Variants in PUDP observed in about 807,000 individuals in gnomAD.
PUDP encodes pseudouridine-5'-phosphatase.
A neutral mutation model predicts 9.4 loss-of-function variants in PUDP; 8 were observed. The observed-to-expected ratio is 0.85, with a 90% CI of 0.50 to 1.53. The LOEUF (loss-of-function observed/expected upper bound fraction) is 1.53, where lower values mean the gene tolerates loss of function less well. PUDP is among the 40% of genes most tolerant of loss of function. The probability of loss-of-function intolerance (pLI) is 0.00; values close to 1 mark genes in which losing one functional copy is unlikely to be tolerated. For synonymous variants in PUDP, 99 were observed against 80.7 expected (o/e 1.23, Z -1.22); for missense variants, 188 against 189.7 (o/e 0.99, Z 0.05).
chrX:6,819,679 C>A (rs966571596), intron 3 of PUDP, among the ~76,000 whole-genome samples: 2 of 112,064 alleles, frequency 1.8e-5, no homozygotes, highest in Admixed American at 9.5e-5. Context: ...CATTCATAAT[C>A]GTAGGGATCT....
chrX:6,975,183 T>C (rs1487224912), intron 3 of PUDP, among the ~76,000 whole-genome samples: 2 of 110,238 alleles, frequency 1.8e-5, no homozygotes, highest in Non-Finnish European at 3.8e-5. Flanking sequence ...GAGGAGTTTG[T>C]TATTACCCAC....
intron 1 of PUDP, among the ~76,000 whole-genome samples, chrX:7,018,191 T>C (rs1487268119): frequency 4.5e-5 from 5 of 111,747 alleles, no homozygotes; most frequent in Admixed American, 9.4e-5. Flanking sequence ...AGCCATTCTT[T>C]TATTCCTTTA....
intron 1 of PUDP, among the ~76,000 whole-genome samples, chrX:7,013,196 CT>C (rs1209754101): frequency 8.9e-6 from 1 of 111,969 alleles, no homozygotes; most frequent in Non-Finnish European, 1.9e-5. Context: ...ACAAAAGCTT[CT>C]TTTTTTCGGT....
intron 3 of PUDP, among the ~76,000 whole-genome samples, chrX:7,062,083 TA>T (rs1244667873): frequency 8.9e-6 from 1 of 112,377 alleles, no homozygotes; most frequent in African/African-American, 3.2e-5. Context: ...AATGCATATT[TA>T]TATTAGAAGC....
At chrX:7,044,269 A>G (rs1468482067), downstream of PUDP, among the ~76,000 whole-genome samples, 1 of 112,075 alleles carries the variant, frequency 8.9e-6, no homozygotes, top group Non-Finnish European at 1.9e-5. Flanking sequence ...TTATTTAAGG[A>G]AAATACTCTT....
intron 1 of PUDP, among the ~76,000 whole-genome samples, chrX:7,003,526 C>T (rs1346439292): frequency 8.9e-6 from 1 of 112,070 alleles, no homozygotes; most frequent in African/African-American, 3.3e-5. Flanking sequence ...CCTATTTGAT[C>T]AAAAAATCCT....
intron 1 of PUDP, among the ~76,000 whole-genome samples, chrX:7,014,730 A>G (rs997824500): frequency 3.6e-5 from 4 of 112,004 alleles, no homozygotes; most frequent in African/African-American, 9.8e-5. Flanking sequence ...AGTGTGGAAG[A>G]CAGCCAAAAA....
chrX:6,730,819 C>T (rs1313678482), intron 3 of PUDP, among the ~76,000 whole-genome samples: 1 of 111,828 alleles, frequency 8.9e-6, no homozygotes, highest in Admixed American at 9.5e-5. Context: ...AGTGAGGCAC[C>T]AAGTGACAGA....
At chrX:7,027,262 A>T (rs1929724099) in intron 1 of PUDP, among the ~76,000 whole-genome samples, 2 of 110,632 alleles carry the variant, frequency 1.8e-5, no homozygotes, top group Admixed American at 1.9e-4. Context: ...TCAGGATAAA[A>T]CCGTGGCCAC....
intron 3 of PUDP, among the ~76,000 whole-genome samples, chrX:6,792,294 T>C (rs1925761850): frequency 1.8e-5 from 2 of 109,546 alleles, no homozygotes; most frequent in South Asian, 4.0e-4. Context: ...CCTACCCAAG[T>C]TCCCAGGCAG....
chrX:6,737,593 T>TGAGG (rs1333611463), intron 3 of PUDP, among the ~76,000 whole-genome samples: 1 of 98,089 alleles, frequency 1.0e-5, no homozygotes, highest in Non-Finnish European at 2.0e-5. Context: ...TGGCCATGGA[T>TGAGG]GAGGGAGGGA....
At chrX:6,761,647 A>G (rs907574523) in intron 3 of PUDP, among the ~76,000 whole-genome samples, 21 of 112,159 alleles carry the variant, frequency 1.9e-4, no homozygotes, top group Non-Finnish European at 1.1e-4. Context: ...GTTGAAAAAA[A>G]GAATCCTAAT....
At chrX:6,956,253 G>A (rs1928625636) in intron 3 of PUDP, among the ~76,000 whole-genome samples, 1 of 111,206 alleles carries the variant, frequency 9.0e-6, no homozygotes, top group Non-Finnish European at 1.9e-5. Context: ...GTTTCACTGT[G>A]TTGTCAGTCA....
chrX:6,886,757 T>G (rs1377419135), intron 3 of PUDP, among the ~76,000 whole-genome samples: 2 of 111,176 alleles, frequency 1.8e-5, no homozygotes, highest in Non-Finnish European at 3.8e-5. Flanking sequence ...AAAATCCCTA[T>G]GTCTCTTTTA....
At chrX:6,832,365 A>G (rs1926516003) in intron 3 of PUDP, among the ~76,000 whole-genome samples, 1 of 112,194 alleles carries the variant, frequency 8.9e-6, no homozygotes, top group Non-Finnish European at 1.9e-5. Context: ...CTCAAATAGC[A>G]TCCTCTACTT....
At chrX:6,929,311 T>C (rs1324312212) in intron 3 of PUDP, among the ~76,000 whole-genome samples, 1 of 112,589 alleles carries the variant, frequency 8.9e-6, no homozygotes, top group Non-Finnish European at 1.9e-5. Context: ...GTGGCCTGGC[T>C]ACAATTAGGT....
At chrX:6,931,949 ACT>A (rs1569125813) in intron 3 of PUDP, among the ~76,000 whole-genome samples, 1 of 112,101 alleles carries the variant, frequency 8.9e-6, no homozygotes, top group Non-Finnish European at 1.9e-5. Context: ...AAGATGTTTA[ACT>A]CTTTTGCTGC....
intron 3 of PUDP, among the ~76,000 whole-genome samples, chrX:6,887,129 A>G (rs1202881821): frequency 1.5e-5 from 1 of 67,385 alleles, no homozygotes; most frequent in Non-Finnish European, 2.9e-5. Context: ...ATATATAAGT[A>G]TATTTGATTT....
chrX:6,793,534 C>T (rs780312793), intron 3 of PUDP, among the ~76,000 whole-genome samples: 4 of 112,286 alleles, frequency 3.6e-5, no homozygotes, highest in Non-Finnish European at 5.6e-5. Context: ...TTAAAGTACA[C>T]ATAAAAGGAT....
Sources: allele counts gnomAD v4.1 joint callset (sites outside exome capture counted in the v4.1 genomes callset), GRCh38; gene constraint gnomAD v4.1.1; transcripts MANE v1.5; gene names NCBI Gene and HGNC (gene_info 2026-07-23, HGNC 2026-07-21).